Variants in PODXL2 observed in about 807,000 individuals in gnomAD.
The protein encoded by PODXL2 is podocalyxin like 2, also known as podocalyxin-like protein 2.
A neutral mutation model predicts 53.4 loss-of-function variants in PODXL2; 17 were observed. The ratio of observed to expected loss-of-function variants is 0.32; its 90% confidence interval spans 0.22 to 0.48. The LOEUF is 0.48. Ranked by LOEUF, PODXL2 falls within the 20% of genes least tolerant of loss-of-function variation. The probability of loss-of-function intolerance (pLI) is 0.99; values close to 1 mark genes in which losing one functional copy is unlikely to be tolerated. For missense variants in PODXL2, 673 were observed against 760.0 expected (o/e 0.89, Z 1.35); for synonymous variants, 311 against 306.7 (o/e 1.01, Z -0.15).
chr3:127,672,371 G>A lies in PODXL2; in HGVS notation c.1709G>A (p.Ser570Asn), dbSNP rs1026978786. The A allele has an allele frequency of 1.3e-6, 2 of 1,548,294 alleles. No individual in the cohort carries two copies. Among genetic ancestry groups the A allele is most frequent in the South Asian group, 2.4e-5 (2 of 84,206 alleles). Residue 570 changes from serine to asparagine, a missense_variant, in exon 8 of 8, where the codon AGC becomes AAC. Ser to Asn is a conservative substitution (Grantham distance 46, BLOSUM62 1). Transcript: ENST00000342480. The part of the protein sequence containing the change: ...SQSEMQEKHP[S>N]LNGGGALNGP... Reference sequence around the variant, plus strand: ...TCGGAGATGCAGGAGAAGCACCCCAGCCTGAACGGCGGCGGGGCCCTCAAC... The same window carrying A: ...TCGGAGATGCAGGAGAAGCACCCCAACCTGAACGGCGGCGGGGCCCTCAAC...
At chr3:127,653,389 G>T (rs557719423) in intron 2 of PODXL2, among the ~76,000 whole-genome samples, 2 of 152,320 alleles carry the variant, frequency 1.3e-5, no homozygotes, top group South Asian at 4.1e-4. Flanking sequence ...GCTCTCTCCT[G>T]TAAGCCCAGT....
chr3:127,644,694 T>C (rs1444016572), intron 2 of PODXL2, among the ~76,000 whole-genome samples: 1 of 152,244 alleles, frequency 6.6e-6, no homozygotes, highest in Non-Finnish European at 1.5e-5. Flanking sequence ...CTCTCATTCA[T>C]TGAATACCGG....
intron 2 of PODXL2, among the ~76,000 whole-genome samples, chr3:127,657,402 C>G (rs2074732107): frequency 6.6e-6 from 1 of 152,204 alleles, no homozygotes; most frequent in Non-Finnish European, 1.5e-5. Flanking sequence ...CTGAAGGTTT[C>G]CAATACTCCT....
intron 2 of PODXL2, among the ~76,000 whole-genome samples, chr3:127,648,983 G>T (rs1046133010): frequency 6.6e-6 from 1 of 151,690 alleles, no homozygotes; most frequent in Admixed American, 6.6e-5. Flanking sequence ...GTAGAGACGG[G>T]GTTTTGTCAT....
At chr3:127,661,280 G>A (rs1264773586) in intron 3 of PODXL2, 121 bp downstream of exon 3, 1 of 705,424 alleles carries the variant, frequency 1.4e-6, no homozygotes, top group East Asian at 2.7e-5. Context: ...CCTTTCCACA[G>A]CACGTAGAAC....
intron 4 of PODXL2, among the ~76,000 whole-genome samples, chr3:127,664,969 T>C (rs1465880064): frequency 3.9e-5 from 6 of 152,208 alleles, no homozygotes; most frequent in Non-Finnish European, 8.8e-5. Context: ...AAGACATTAT[T>C]TCCTTTTGCC....
Position 127,662,278 on chromosome 3 carries a change from C to T in PODXL2, c.1173C>T (p.Tyr391=). 4 of 1,614,036 alleles carry T rather than the reference C, an allele frequency of 2.5e-6. No homozygotes were observed. The highest frequency in any genetic ancestry group is 2.5e-6 in the Non-Finnish European group (3 of 1,179,958). ...KDWSNLAGKN[Y]IILNMTENID... is the part of the protein sequence containing the mutation. Reference sequence around the variant, plus strand: ...GGAGCAATCTGGCTGGGAAAAACTACATCATTCTGAACATGACAGAGAACA... The same window carrying T: ...GGAGCAATCTGGCTGGGAAAAACTATATCATTCTGAACATGACAGAGAACA... The change falls in exon 4 of 8, where the codon TAC becomes TAT. Residue 391 remains tyrosine (Y), a synonymous_variant. Transcript: ENST00000342480.
intron 4 of PODXL2, among the ~76,000 whole-genome samples, chr3:127,662,572 T>G (rs557745590): frequency 6.6e-6 from 1 of 152,218 alleles, no homozygotes; most frequent in Non-Finnish European, 1.5e-5. Context: ...CCATCTTACC[T>G]CTCCCGTGAT....
At chr3:127,663,669 T>C (rs1559878433) in intron 4 of PODXL2, among the ~76,000 whole-genome samples, 1 of 152,224 alleles carries the variant, frequency 6.6e-6, no homozygotes, top group African/African-American at 2.4e-5. Context: ...TCTGAGTCCT[T>C]TTGACCAATC....
intron 2 of PODXL2, among the ~76,000 whole-genome samples, chr3:127,653,539 A>G (rs1007700723): frequency 6.6e-5 from 10 of 152,020 alleles, no homozygotes; most frequent in Admixed American, 3.9e-4. Flanking sequence ...CCAGCTACTC[A>G]GGAGGCTGAG....
At chr3:127,646,425 C>T (rs2074657323) in intron 2 of PODXL2, among the ~76,000 whole-genome samples, 1 of 151,478 alleles carries the variant, frequency 6.6e-6, no homozygotes, top group Non-Finnish European at 1.5e-5. Context: ...CACTCTGTTG[C>T]CCAGGCTGGA....
At chr3:127,653,633 G>A (rs527638254) in intron 2 of PODXL2, among the ~76,000 whole-genome samples, 36 of 150,864 alleles carry the variant, frequency 2.4e-4, no homozygotes, top group African/African-American at 8.3e-4. Context: ...GTGACAGAGT[G>A]AGACTCCATC....
chr3:127,643,518 T>A (rs541277077), intron 2 of PODXL2, among the ~76,000 whole-genome samples: 19 of 152,170 alleles, frequency 1.2e-4, no homozygotes, highest in Non-Finnish European at 2.6e-4. Context: ...CAAAATTACT[T>A]CTTTTAAAAT....
chr3:127,649,152 A>G (rs891357887), intron 2 of PODXL2, among the ~76,000 whole-genome samples: 59 of 152,284 alleles, frequency 3.9e-4, no homozygotes, highest in African/African-American at 1.3e-3. Context: ...TTTACAAAAA[A>G]TGGACAATAG....
intron 2 of PODXL2, among the ~76,000 whole-genome samples, chr3:127,657,531 C>G (rs755626441): frequency 3.3e-5 from 5 of 152,202 alleles, no homozygotes; most frequent in Non-Finnish European, 5.9e-5. Context: ...TGAGTCTGCT[C>G]TTTTCTCATC....
In PODXL2 at chr3:127,629,208, G is replaced by T. The variant is rs1220388816; in HGVS notation, c.-12G>T. On this transcript the variant is annotated 5_prime_UTR_variant, in exon 1 of 8. Transcript: ENST00000342480. The surrounding 1 kb of genome is among the most constrained non-coding windows in gnomAD (Gnocchi z 6.4). Reference sequence around the variant, plus strand: ...CCGCGCCGCTGCGGCTGCAGGCGGCGACGGCTACACCATGGGCCGGCTGCT... The same window carrying T: ...CCGCGCCGCTGCGGCTGCAGGCGGCTACGGCTACACCATGGGCCGGCTGCT... The T allele has an allele frequency of 2.0e-6, 2 of 987,936 alleles. No homozygotes were observed. The highest frequency in any genetic ancestry group is 9.1e-5 in the South Asian group (2 of 22,042). 61.2% of individuals were successfully genotyped at this position (987,936 alleles called of 1,614,324 possible).
At position 127,629,368 on chromosome 3, in the gene PODXL2, A is replaced by G; in HGVS notation, c.70+79A>G. 1 of 988,388 alleles carries G rather than the reference A, an allele frequency of 1.0e-6. No individual in the cohort carries two copies. Among genetic ancestry groups the G allele is most frequent in the Non-Finnish European group, 1.2e-6 (1 of 831,238 alleles). 61.2% of individuals were successfully genotyped at this position (988,388 alleles called of 1,614,324 possible). A position where few individuals can be genotyped will look rare whatever the true frequency, so the allele number is the denominator to read the frequency against. On this transcript the variant is annotated intron_variant, in intron 1 of 7. Coordinates refer to ENST00000342480, the MANE Select transcript of PODXL2 (RefSeq NM_015720.4). This position sits in a 1 kb window ranked among gnomAD's most constrained non-coding sequence, Gnocchi z 6.4. The stretch of plus-strand genomic sequence containing the variant: ...TGCTGGACAGCTCCCCGGGCCGCCA[A>G]CAAAGGGGCCAGAGTGCGGCGCCGC...
chr3:127,647,662 G>T (rs917518077), intron 2 of PODXL2, among the ~76,000 whole-genome samples: 2 of 152,200 alleles, frequency 1.3e-5, no homozygotes, highest in Admixed American at 1.3e-4. Flanking sequence ...AGTCATGCTC[G>T]GCTTTCCCTT....
At chr3:127,663,040 C>T (rs1382596594) in intron 4 of PODXL2, among the ~76,000 whole-genome samples, 1 of 152,194 alleles carries the variant, frequency 6.6e-6, no homozygotes, top group Non-Finnish European at 1.5e-5. Flanking sequence ...CCCCAAAACA[C>T]ACACTTGTGT....
Sources: gnomAD v4.1 joint callset for allele counts (sites outside exome capture counted in the v4.1 genomes callset) on GRCh38, gnomAD v4.1.1 for gene constraint, Gnocchi (gnomAD v3.1) non-coding constraint, MANE v1.5 for transcripts, NCBI Gene and HGNC (gene_info 2026-07-23, HGNC 2026-07-21) for gene names.